The following ARFGEF3 variants were observed in gnomAD, a reference collection of about 807,000 sequenced individuals.
The protein encoded by ARFGEF3 is brefeldin A-inhibited guanine nucleotide-exchange protein 3.
A neutral mutation model predicts 221.7 loss-of-function variants in ARFGEF3; 96 were observed. The observed-to-expected ratio is 0.43, with a 90% CI of 0.37 to 0.51. ARFGEF3 has a LOEUF of 0.51. Among genes scored for constraint, ARFGEF3 ranks in the 20% least tolerant of loss-of-function variants. The pLI is 0.00. For missense variants in ARFGEF3, 2,410 were observed against 2,789.9 expected, an observed-to-expected ratio of 0.86 and a Z score of 3.07; for synonymous variants, 1,145 against 1,126.8, an observed-to-expected ratio of 1.02 and a Z score of -0.32.
chr6:138,326,683 A>G (rs141030974), intron 31 of ARFGEF3, among the ~76,000 whole-genome samples: 1,968 of 152,284 alleles, frequency 0.013, 39 homozygotes, highest in African/African-American at 0.045. Flanking sequence ...TAGTTTAACC[A>G]TTGTGGAAGA....
chr6:138,239,550 G>A (rs1778354239), intron 6 of ARFGEF3, among the ~76,000 whole-genome samples: 1 of 151,660 alleles, frequency 6.6e-6, no homozygotes, highest in Non-Finnish European at 1.5e-5. Flanking sequence ...TTGGGAGGCT[G>A]AGGCAGGAGA....
intron 2 of ARFGEF3, among the ~76,000 whole-genome samples, chr6:138,177,045 C>A (rs983591423): frequency 7.3e-5 from 11 of 150,320 alleles, no homozygotes; most frequent in African/African-American, 2.4e-4. Context: ...TTTTAAAATT[C>A]TTTCACTTTT....
intron 4 of ARFGEF3, among the ~76,000 whole-genome samples, chr6:138,213,142 G>A (rs1387446004): frequency 6.6e-6 from 1 of 151,954 alleles, no homozygotes; most frequent in African/African-American, 2.4e-5. Flanking sequence ...CAAAAAATTA[G>A]CCGGGCATGG....
intron 32 of ARFGEF3, among the ~76,000 whole-genome samples, chr6:138,329,844 CCAAA>C: frequency 6.6e-6 from 1 of 152,170 alleles, no homozygotes; most frequent in Non-Finnish European, 1.5e-5. Context: ...GAAGAGACCA[CCAAA>C]CAGGCTTTGT....
chr6:138,178,165 A>G (rs1776992981), intron 2 of ARFGEF3, among the ~76,000 whole-genome samples: 1 of 152,144 alleles, frequency 6.6e-6, no homozygotes, highest in South Asian at 2.1e-4. Flanking sequence ...TTGGTCGGCT[A>G]GGGTTTTACT....
chr6:138,172,493 C>A (rs6930102), intron 2 of ARFGEF3, among the ~76,000 whole-genome samples: 9,042 of 152,200 alleles, frequency 0.059, 815 homozygotes, highest in African/African-American at 0.2. Flanking sequence ...GAACTATGAA[C>A]ATACTAGTGT....
chr6:138,205,879 G>C (rs542905179), intron 2 of ARFGEF3, among the ~76,000 whole-genome samples: 1 of 152,302 alleles, frequency 6.6e-6, no homozygotes, highest in Admixed American at 6.5e-5. Context: ...TCGCTTCATC[G>C]GTTATGAAGC....
At chr6:138,189,271 A>G (rs1268010580) in intron 2 of ARFGEF3, among the ~76,000 whole-genome samples, 1 of 152,240 alleles carries the variant, frequency 6.6e-6, no homozygotes, top group Non-Finnish European at 1.5e-5. Flanking sequence ...TGAACTGAGT[A>G]TGTTCTCAGT....
chr6:138,233,598 C>G (rs2114538816), intron 5 of ARFGEF3, among the ~76,000 whole-genome samples: 2 of 152,250 alleles, frequency 1.3e-5, no homozygotes, highest in Middle Eastern at 3.4e-3. Context: ...AGGCTGGTCT[C>G]TAACTCCTGA....
At chr6:138,250,182 G>A (rs146572421) in intron 8 of ARFGEF3, among the ~76,000 whole-genome samples, 166 of 152,260 alleles carry the variant, frequency 1.1e-3, no homozygotes, top group African/African-American at 3.8e-3. Context: ...CTCTGTAGGG[G>A]TGTGTGTTCA....
rs764839602 is a variant in ARFGEF3 at position 138,294,143 on chromosome 6, A to G, written c.3502+17A>G. 6.2e-7 allele frequency: 1 copy of G among 1,612,398 alleles called. No individual in the cohort carries two copies. Among genetic ancestry groups the G allele is most frequent in the Admixed American group, 1.7e-5 (1 of 59,882 alleles). Reference sequence around the variant, plus strand: ...CAATGCCAGGTAATTCTTTCCCTGAATAAACCATATGCCAGGAAGTTAGCA... The same window carrying G: ...CAATGCCAGGTAATTCTTTCCCTGAGTAAACCATATGCCAGGAAGTTAGCA... On this transcript the variant is annotated intron_variant, in intron 20 of 33. Transcript: ENST00000251691.
intron 4 of ARFGEF3, among the ~76,000 whole-genome samples, chr6:138,227,637 C>A (rs750221032): frequency 6.6e-6 from 1 of 152,254 alleles, no homozygotes; most frequent in East Asian, 1.9e-4. Flanking sequence ...CCCCGCCCCC[C>A]GCCATGAAAC....
At chr6:138,327,456 A>G (rs959459886) in intron 31 of ARFGEF3, among the ~76,000 whole-genome samples, 7 of 152,134 alleles carry the variant, frequency 4.6e-5, no homozygotes, top group Non-Finnish European at 1.5e-5. Context: ...TTCAAAAAAT[A>G]TATATATTCT....
intron 14 of ARFGEF3, among the ~76,000 whole-genome samples, chr6:138,282,854 GC>G (rs1305345353): frequency 2.0e-5 from 3 of 152,226 alleles, no homozygotes; most frequent in Admixed American, 2.0e-4. Flanking sequence ...TTCAAGACCA[GC>G]CTGGCCAACA....
intron 17 of ARFGEF3, among the ~76,000 whole-genome samples, chr6:138,288,090 A>C (rs1779328953): frequency 6.6e-6 from 1 of 152,204 alleles, no homozygotes; most frequent in Non-Finnish European, 1.5e-5. Flanking sequence ...AACAAATAAA[A>C]AATAAGATTA....
chr6:138,173,303 G>A (rs532264491), intron 2 of ARFGEF3, among the ~76,000 whole-genome samples: 10 of 152,268 alleles, frequency 6.6e-5, no homozygotes, highest in African/African-American at 1.7e-4. Context: ...AAATTTGAAT[G>A]CTAACTTAAA....
chr6:138,205,871 G>T (rs1207615097), intron 2 of ARFGEF3, among the ~76,000 whole-genome samples: 4 of 152,170 alleles, frequency 2.6e-5, no homozygotes, highest in Non-Finnish European at 5.9e-5. Flanking sequence ...TGTGACTCTC[G>T]CTTCATCGGT....
chr6:138,280,093 A>C lies in ARFGEF3; in HGVS notation c.2390A>C (p.Asn797Thr), dbSNP rs771884210. 6.2e-7 allele frequency: 1 copy of C among 1,613,958 alleles called. No homozygotes were observed. The highest frequency in any genetic ancestry group is 2.2e-5 in the East Asian group (1 of 44,888). The change falls in exon 14 of 34, where the codon AAC (asparagine) becomes ACC (threonine). Residue 797 changes from asparagine to threonine, a missense_variant. Asn to Thr is a moderately conservative substitution (Grantham distance 65, BLOSUM62 0). Around this residue, in one of 5 missense-constraint regions of ARFGEF3, gnomAD observed 594 missense variants for 734.3 expected, o/e 0.81. Transcript: ENST00000251691. ...EELYHQVLDR[N>T]MLGEAGYWGS... ...CTCTACCATCAGGTGCTCGACAGGA[A>C]CATGCTTGGAGAGGCTGGCTATTGG...
At position 138,334,261 on chromosome 6, in the gene ARFGEF3, C is replaced by G; in HGVS notation, c.5415C>G (p.Asn1805Lys). ...TGTCTGGCATCGGGGGCGCCGCCAA[C>G]CTCTACCGCCAGTCTGCGATGAGCT... ...KKVSGIGGAA[N>K]LYRQSAMSFN... The change falls in exon 33 of 34, where the codon AAC becomes AAG. Residue 1805 changes from asparagine (N) to lysine (K), a missense_variant. Transcript: ENST00000251691. The surrounding 1 kb of genome is among the most constrained non-coding windows in gnomAD (Gnocchi z 5.1). 6.2e-7 allele frequency: 1 copy of G among 1,613,708 alleles called. No homozygotes were observed. Among genetic ancestry groups the G allele is most frequent in the South Asian group, 1.1e-5 (1 of 91,014 alleles).
Sources: gnomAD v4.1 joint callset for allele counts (sites outside exome capture counted in the v4.1 genomes callset) on GRCh38, gnomAD v4.1.1 for gene constraint, gnomAD v4.1.1 regional missense constraint, Gnocchi (gnomAD v3.1) non-coding constraint, MANE v1.5 for transcripts, NCBI Gene and HGNC (gene_info 2026-07-23, HGNC 2026-07-21) for gene names.